Variants in C1orf167 observed in about 807,000 individuals in gnomAD.
The protein encoded by C1orf167 is chromosome 1 open reading frame 167, also known as uncharacterized protein C1orf167.
A neutral mutation model predicts 176.5 loss-of-function variants in C1orf167; 153 were observed. The observed-to-expected ratio is 0.87, with a 90% CI of 0.76 to 0.99. The LOEUF is 0.99. Among genes scored for constraint, C1orf167 ranks in the 50% least tolerant of loss-of-function variants. The pLI is 0.00. For missense variants in C1orf167, 1,490 were observed against 1,817.7 expected (o/e 0.82, Z 3.28); for synonymous variants, 594 against 752.7 (o/e 0.79, Z 3.45).
Position 11,785,264 on chromosome 1 carries a change from G to C in C1orf167, c.3542G>C (p.Arg1181Pro). 1 of 1,288,066 alleles carries C rather than the reference G, an allele frequency of 7.8e-7. No individual in the cohort carries two copies. Among genetic ancestry groups the C allele is most frequent in the South Asian group, 1.2e-5 (1 of 80,942 alleles). The allele number at this position is 1,288,066 out of a possible 1,614,324, so 79.8% of individuals were successfully genotyped here. ...RFLRTVQLRV[R>P]LGLPGAGKTR... ...CTGCGGACAGTGCAGCTCAGGGTGC[G>C]GCTGGGACTGCCAGGGGCCGGCAAG... Residue 1181 changes from arginine to proline, a missense_variant, in exon 16 of 21, where the codon CGG (arginine) becomes CCG (proline). Physicochemically the swap from Arg to Pro is moderately radical, Grantham distance 103 (BLOSUM62 -2). Transcript: ENST00000688073.
At chr1:11,772,498 C>T (rs1643129074) in intron 8 of C1orf167, among the ~76,000 whole-genome samples, 1 of 152,184 alleles carries the variant, frequency 6.6e-6, no homozygotes, top group Non-Finnish European at 1.5e-5. Flanking sequence ...AACTCCTGAA[C>T]TCAAGTGATC....
chr1:11,764,487 G>T lies in C1orf167; in HGVS notation c.70+17G>T, dbSNP rs1295358566. 7.8e-7 allele frequency: 1 copy of T among 1,288,816 alleles called. No individual in the cohort carries two copies. The highest frequency in any genetic ancestry group is 2.3e-5 in the Admixed American group (1 of 43,560). The allele number at this position is 1,288,816 out of a possible 1,614,324, so 79.8% of individuals were successfully genotyped here. On this transcript the variant is annotated intron_variant, in intron 2 of 20. Transcript: ENST00000688073. Reference sequence around the variant, plus strand: ...CGAAGCCAGGCAAGAGGCTTAGTGGGCCTGGATGGGCAGTTACAGGAGCAG... The same window carrying T: ...CGAAGCCAGGCAAGAGGCTTAGTGGTCCTGGATGGGCAGTTACAGGAGCAG...
chr1:11,782,918 C>CAA (rs70983597), intron 14 of C1orf167, among the ~76,000 whole-genome samples: 253 of 104,904 alleles, frequency 2.4e-3, no homozygotes, highest in African/African-American at 8.0e-3. Flanking sequence ...GACTCCATCT[C>CAA]AAAAAAAAAA....
chr1:11,776,320 A>G, intron 9 of C1orf167, 144 bp from the exon 10 acceptor site: 1 of 661,484 alleles, frequency 1.5e-6, no homozygotes, highest in Admixed American at 4.6e-5. Context: ...CTTTGAGGTG[A>G]CCTGGAGGGG....
At chr1:11,783,518 A>C (rs1643688605) in intron 14 of C1orf167, among the ~76,000 whole-genome samples, 1 of 152,088 alleles carries the variant, frequency 6.6e-6, no homozygotes, top group South Asian at 2.1e-4. Context: ...AAATGCTGGG[A>C]TTACAGGTGT....
chr1:11,769,260 A>G, intron 6 of C1orf167, 133 bp downstream of exon 6: 1 of 744,924 alleles, frequency 1.3e-6, no homozygotes, highest in Non-Finnish European at 1.6e-6. Flanking sequence ...TGCAAAAAAG[A>G]TGTCCATCAT....
chr1:11,782,187 AG>A lies in C1orf167; in HGVS notation c.2862del. ...GGCTCTTCAGCATCTCTCTGGCCCCAGGGCAGCAGTTCCTGCATGAAAAGTG... is the reference window on the plus strand; with the variant it reads ...GGCTCTTCAGCATCTCTCTGGCCCCAGGCAGCAGTTCCTGCATGAAAAGTG... On this transcript the variant is annotated splice_acceptor_variant, in intron 13 of 20. Coordinates refer to ENST00000688073, the MANE Select transcript of C1orf167 (RefSeq NM_001010881.2). LOFTEE classifies it high-confidence loss of function. The A allele has an allele frequency of 7.8e-7, 1 of 1,274,978 alleles. No individual in the cohort carries two copies. Among genetic ancestry groups the A allele is most frequent in the Non-Finnish European group, 1.0e-6 (1 of 974,978 alleles). The allele number at this position is 1,274,978 out of a possible 1,614,324, so 79.0% of individuals were successfully genotyped here. A position where few individuals can be genotyped will look rare whatever the true frequency, so the allele number is the denominator to read the frequency against.
chr1:11,780,036 C>T, intron 13 of C1orf167, 26 bp downstream of exon 13: 4 of 1,248,718 alleles, frequency 3.2e-6, no homozygotes, highest in Non-Finnish European at 4.2e-6. Flanking sequence ...GTCGGGGGCA[C>T]TGCGGGTGAG....
In C1orf167 at chr1:11,775,489, C is replaced by T. The variant is rs554566884; in HGVS notation, c.2043C>T (p.His681=). Residue 681 remains histidine, a synonymous_variant, in exon 9 of 21, where the codon CAC becomes CAT. Coordinates refer to ENST00000688073, the MANE Select transcript of C1orf167 (RefSeq NM_001010881.2). ...FVQRGSRYRD[H]LADRRTGTLR... is the part of the protein sequence containing the mutation. ...AAAGAGGGTCCCGGTACCGAGACCA[C>T]CTGGCTGACCGCCGGACGGGGACCC... is the stretch of plus-strand genomic sequence containing the variant. The T allele has an allele frequency of 7.1e-5, 93 of 1,304,188 alleles. 1 individual carries two copies. In the East Asian group the frequency reaches 1.0e-3, roughly 14 times the overall value. 80.8% of individuals were successfully genotyped at this position (1,304,188 alleles called of 1,614,324 possible).
chr1:11,763,177 C>T (rs184242867), intron 1 of C1orf167, among the ~76,000 whole-genome samples: 30 of 152,300 alleles, frequency 2.0e-4, no homozygotes, highest in African/African-American at 5.3e-4. Flanking sequence ...TGGTGGCTCA[C>T]GCCTGTAATC....
In C1orf167 at chr1:11,785,177, T is replaced by TGC; in HGVS notation, c.3459_3460dup (p.Gly1154AlafsTer153). Reference sequence around the variant, plus strand: ...CTAGAGGCCTCGGTGCAGTCGGCGGTGCGCGGCGGTGTCCAGCGAGCCATC... The same window carrying TGC: ...CTAGAGGCCTCGGTGCAGTCGGCGGTGCGCGCGGCGGTGTCCAGCGAGCCATC... On this transcript the variant is annotated frameshift_variant, in exon 16 of 21. Transcript: ENST00000688073. LOFTEE classifies it high-confidence loss of function. 7.7e-7 allele frequency: 1 copy of TGC among 1,291,432 alleles called. No individual in the cohort carries two copies. The highest frequency in any genetic ancestry group is 1.0e-6 in the Non-Finnish European group (1 of 988,736). 80.0% of individuals were successfully genotyped at this position (1,291,432 alleles called of 1,614,324 possible).
intron 20 of C1orf167, 126 bp downstream of exon 20, chr1:11,788,872 C>A: frequency 1.4e-6 from 1 of 727,276 alleles, no homozygotes; most frequent in Non-Finnish European, 2.0e-6. Flanking sequence ...CCTTCGTTTT[C>A]AGGGGAGGGG....
Position 11,785,201 on chromosome 1 carries a change from T to A in C1orf167, c.3479T>A (p.Ile1160Asn), listed in dbSNP as rs1471448113. ...GTGCGCGGCGGTGTCCAGCGAGCCA[T>A]CCTCACCCAGCTCCGGCCGGCTGAG... ...SAVRGGVQRAILTQLRPAELR... is the reference protein window; with the variant it reads ...SAVRGGVQRANLTQLRPAELR... The change falls in exon 16 of 21, where the codon ATC becomes AAC. Residue 1160 changes from isoleucine (I) to asparagine (N), a missense_variant. Physicochemically the swap from Ile to Asn is moderately radical, Grantham distance 149 (BLOSUM62 -3). Coordinates refer to ENST00000688073, the MANE Select transcript of C1orf167 (RefSeq NM_001010881.2). 5 of 1,291,746 alleles carry A rather than the reference T, an allele frequency of 3.9e-6. No individual in the cohort carries two copies. Among genetic ancestry groups the A allele is most frequent in the Non-Finnish European group, 5.1e-6 (5 of 988,794 alleles). 80.0% of individuals were successfully genotyped at this position (1,291,746 alleles called of 1,614,324 possible). A position where few individuals can be genotyped will look rare whatever the true frequency, so the allele number is the denominator to read the frequency against.
chr1:11,763,800 C>T (rs527331425), intron 1 of C1orf167, among the ~76,000 whole-genome samples: 5 of 152,164 alleles, frequency 3.3e-5, no homozygotes, highest in Non-Finnish European at 5.9e-5. Context: ...AGGGCCACTC[C>T]GCCCAGTGCT....
chr1:11,776,408 T>C, intron 9 of C1orf167, 56 bp from the exon 10 acceptor site: 1 of 1,266,510 alleles, frequency 7.9e-7, no homozygotes, highest in South Asian at 1.3e-5. Context: ...TCAATGGCTG[T>C]GGGCAGAGTG....
intron 4 of C1orf167, 138 bp from the exon 5 acceptor site, chr1:11,767,939 A>G: frequency 1.9e-6 from 1 of 538,336 alleles, no homozygotes. Flanking sequence ...TCCAGTCTGC[A>G]GTGTGATACT....
intron 6 of C1orf167, among the ~76,000 whole-genome samples, chr1:11,771,049 G>GTGTGTGTGTATATATA (rs1491322371): frequency 2.9e-5 from 1 of 34,912 alleles, no homozygotes; most frequent in East Asian, 8.6e-4. Flanking sequence ...GTGTGTGTGT[G>GTGTGTGTGTATATATA]TATATATATA....
At chr1:11,767,638 C>T (rs1257039941) in intron 4 of C1orf167, among the ~76,000 whole-genome samples, 1 of 151,816 alleles carries the variant, frequency 6.6e-6, no homozygotes, top group African/African-American at 2.4e-5. Flanking sequence ...GCCTGAGCAA[C>T]ATGGCAAAAC....
In C1orf167 at chr1:11,782,294, G is replaced by T; in HGVS notation, c.2966G>T (p.Arg989Ile). ...RSWQQAAAHQ[R>I]CTVTRPEQLL... is the part of the protein sequence containing the mutation. ...TGGCAGCAGGCAGCAGCTCATCAGA[G>T]ATGCACAGTGACCCGGCCAGAGCAG... The change falls in exon 14 of 21, where the codon AGA (arginine) becomes ATA (isoleucine). Residue 989 changes from arginine to isoleucine, a missense_variant. Physicochemically the swap from Arg to Ile is moderately conservative, Grantham distance 97 (BLOSUM62 -3). Coordinates refer to ENST00000688073, the MANE Select transcript of C1orf167 (RefSeq NM_001010881.2). 1 of 1,294,952 alleles carries T rather than the reference G, an allele frequency of 7.7e-7. No individual in the cohort carries two copies. Among genetic ancestry groups the T allele is most frequent in the Non-Finnish European group, 1.0e-6 (1 of 985,886 alleles). The allele number at this position is 1,294,952 out of a possible 1,614,324, so 80.2% of individuals were successfully genotyped here. A position where few individuals can be genotyped will look rare whatever the true frequency, so the allele number is the denominator to read the frequency against.
Sources: allele counts gnomAD v4.1 joint callset (sites outside exome capture counted in the v4.1 genomes callset), GRCh38; gene constraint gnomAD v4.1.1; transcripts MANE v1.5; gene names NCBI Gene and HGNC (gene_info 2026-07-23, HGNC 2026-07-21).